VCL: variants seen among roughly 807,000 people sequenced by gnomAD.
VCL encodes the protein epididymis luminal protein 114.
VCL carries 47 observed loss-of-function variants against 125.7 expected under a neutral mutation model. The observed-to-expected ratio is 0.37, with a 90% CI of 0.30 to 0.48. The LOEUF is 0.48. VCL is among the 20% of genes least tolerant of loss of function. The pLI, the probability that VCL is intolerant of heterozygous loss-of-function variation, is 0.99. For missense variants in VCL, 1,069 were observed against 1,455.5 expected, an observed-to-expected ratio of 0.73 and a Z score of 4.32; for synonymous variants, 458 against 514.6, an observed-to-expected ratio of 0.89 and a Z score of 1.49.
intron 2 of VCL, among the ~76,000 whole-genome samples, chr10:74,052,535 C>T (rs778001173): frequency 5.9e-5 from 9 of 151,926 alleles, no homozygotes; most frequent in Admixed American, 2.6e-4. Context: ...CACCACTACT[C>T]CCAGCTGATT....
At chr10:73,999,409 A>G (rs1198841804) in intron 1 of VCL, among the ~76,000 whole-genome samples, 4 of 152,180 alleles carry the variant, frequency 2.6e-5, no homozygotes, top group African/African-American at 9.7e-5. Flanking sequence ...AATGGGAAAA[A>G]AGAGGTGCTG....
intron 1 of VCL, among the ~76,000 whole-genome samples, chr10:74,019,598 G>A (rs1019903761): frequency 6.6e-6 from 1 of 152,176 alleles, no homozygotes; most frequent in Admixed American, 6.6e-5. Context: ...TCAGGCAGTG[G>A]TAGGAGTGCA....
At chr10:74,098,979 T>C (rs1006489191) in intron 13 of VCL, among the ~76,000 whole-genome samples, 3 of 152,186 alleles carry the variant, frequency 2.0e-5, no homozygotes, top group Non-Finnish European at 2.9e-5. Context: ...TTCATACAAA[T>C]AAACAACTAA....
chr10:73,998,245 T>G lies in VCL; in HGVS notation c.38T>G (p.Leu13Arg). 1 of 1,612,750 alleles carries G rather than the reference T, an allele frequency of 6.2e-7. No individual in the cohort carries two copies. The highest frequency in any genetic ancestry group is 8.5e-7 in the Non-Finnish European group (1 of 1,179,454). The stretch of plus-strand genomic sequence containing the variant: ...CATACGCGCACGATCGAGAGCATCC[T>G]GGAGCCGGTGGCACAGCAGATCTCC... ...VFHTRTIESI[L>R]EPVAQQISHL... Residue 13 changes from leucine (L) to arginine (R), a missense_variant, in exon 1 of 22, where the codon CTG (leucine) becomes CGG (arginine). Physicochemically the swap from Leu to Arg is moderately radical, Grantham distance 102 (BLOSUM62 -2). Transcript: ENST00000211998.
At chr10:74,100,563 G>A (rs1840035813) in intron 13 of VCL, among the ~76,000 whole-genome samples, 1 of 152,214 alleles carries the variant, frequency 6.6e-6, no homozygotes, top group Non-Finnish European at 1.5e-5. Flanking sequence ...AGAGCCTGGA[G>A]TGGGCTTGAC....
chr10:74,109,231 A>G, intron 18 of VCL, 75 bp downstream of exon 18: 1 of 1,578,598 alleles, frequency 6.3e-7, no homozygotes, highest in Non-Finnish European at 8.7e-7. Context: ...AGACCCAGAA[A>G]GAAGAGTCTA....
intron 14 of VCL, 63 bp from the exon 15 acceptor site, chr10:74,103,757 C>A: frequency 1.3e-6 from 2 of 1,497,002 alleles, no homozygotes; most frequent in Non-Finnish European, 1.9e-6. Flanking sequence ...GAAAGCTTGG[C>A]TGAAGGTTTG....
In VCL at chr10:74,090,245, TTCTC is replaced by T. The variant is rs751274468; in HGVS notation, c.1352+52_1352+55del. The T allele has an allele frequency of 1.2e-5, 20 of 1,603,704 alleles. No homozygotes were observed. In the African/African-American group the frequency reaches 1.7e-4, roughly 14 times the overall value. ...TGCCTTTTCATATCTTTTCTTCTCTTTCTCTCTCCCTTCCCTCTCCCTTTCTTTC... is the reference window on the plus strand; with the variant it reads ...TGCCTTTTCATATCTTTTCTTCTCTTTCTCCCTTCCCTCTCCCTTTCTTTC... On this transcript the variant is annotated intron_variant, in intron 10 of 21. Coordinates refer to ENST00000211998, the MANE Select transcript of VCL (RefSeq NM_014000.3).
intron 16 of VCL, 82 bp downstream of exon 16, chr10:74,105,435 C>A: frequency 6.4e-7 from 1 of 1,560,810 alleles, no homozygotes; most frequent in East Asian, 2.2e-5. Context: ...TACCCCACAA[C>A]CACCACATAC....
intron 1 of VCL, among the ~76,000 whole-genome samples, chr10:74,010,438 C>T (rs896596789): frequency 6.6e-6 from 1 of 152,048 alleles, no homozygotes; most frequent in Non-Finnish European, 1.5e-5. Context: ...TTTCTTGTTA[C>T]AAAATAATGC....
intron 1 of VCL, among the ~76,000 whole-genome samples, chr10:74,039,427 A>G (rs1841051077): frequency 6.6e-6 from 1 of 152,044 alleles, no homozygotes; most frequent in Non-Finnish European, 1.5e-5. Context: ...ATCATCTAGG[A>G]GAGTGATACT....
At chr10:74,042,603 C>G (rs1162749970) in intron 1 of VCL, among the ~76,000 whole-genome samples, 3 of 152,054 alleles carry the variant, frequency 2.0e-5, no homozygotes, top group Admixed American at 2.0e-4. Flanking sequence ...TTTTTGATTA[C>G]TAGTGAAGTT....
intron 1 of VCL, among the ~76,000 whole-genome samples, chr10:74,039,675 G>T (rs1841057972): frequency 6.6e-6 from 1 of 151,872 alleles, no homozygotes; most frequent in Non-Finnish European, 1.5e-5. Flanking sequence ...AGTCCTAGCT[G>T]CTCCGGACGG....
chr10:74,004,001 A>G (rs1840274937), intron 1 of VCL, among the ~76,000 whole-genome samples: 1 of 152,194 alleles, frequency 6.6e-6, no homozygotes, highest in African/African-American at 2.4e-5. Flanking sequence ...GATTATAGGC[A>G]TGATCCACTG....
chr10:74,111,841 A>T lies in VCL; in HGVS notation c.2746-68A>T, dbSNP rs1840223965. 3 of 1,589,492 alleles carry T rather than the reference A, an allele frequency of 1.9e-6. No homozygotes were observed. The African/African-American group carries it at 4.0e-5, about 21-fold the overall frequency. On this transcript the variant is annotated intron_variant, in intron 18 of 21. Transcript: ENST00000211998. ...TTGGTTACTAAACCAGCTGAAGCCC[A>T]GTTTCCCAAGTCGTATTGCTCTTAC...
chr10:74,067,379 A>T (rs114564754), intron 2 of VCL, among the ~76,000 whole-genome samples: 12 of 126,356 alleles, frequency 9.5e-5, no homozygotes, highest in East Asian at 4.0e-4. Flanking sequence ...GCTTTTATTT[A>T]AAAAAAAAAA....
intron 8 of VCL, among the ~76,000 whole-genome samples, chr10:74,088,629 CTA>C (rs1839824939): frequency 1.3e-5 from 2 of 152,144 alleles, no homozygotes; most frequent in South Asian, 4.2e-4. Context: ...GTTACCTTCA[CTA>C]TATAAGTTAG....
chr10:74,097,528 A>C lies in VCL; in HGVS notation c.1872+196A>C, dbSNP rs1354848479. Among the ~76,000 whole-genome samples the C allele has an allele frequency of 2.6e-5, 4 of 152,206 alleles. No homozygotes were observed. Among genetic ancestry groups the C allele is most frequent in the Non-Finnish European group, 4.4e-5 (3 of 68,038 alleles). On this transcript the variant is annotated intron_variant, in intron 13 of 21. Coordinates refer to ENST00000211998, the MANE Select transcript of VCL (RefSeq NM_014000.3). The surrounding 1 kb of genome is among the most constrained non-coding windows in gnomAD (Gnocchi z 4.1). The stretch of plus-strand genomic sequence containing the variant: ...TCAGTGAGGAATATCTTTAGTTGCA[A>C]GCAATAGAAGACCTGACCATCAGAG...
chr10:74,112,583 G>A (rs770190317), intron 19 of VCL, among the ~76,000 whole-genome samples: 1 of 152,126 alleles, frequency 6.6e-6, no homozygotes, highest in East Asian at 1.9e-4. Flanking sequence ...GGGGAGGACT[G>A]CTTGCTGCCC....
Sources: gnomAD v4.1 joint callset for allele counts (sites outside exome capture counted in the v4.1 genomes callset) on GRCh38, gnomAD v4.1.1 for gene constraint, Gnocchi (gnomAD v3.1) non-coding constraint, MANE v1.5 for transcripts, NCBI Gene and HGNC (gene_info 2026-07-23, HGNC 2026-07-21) for gene names.